Variants in DPY30 observed in about 807,000 individuals in gnomAD.
DPY30 encodes the protein protein dpy-30 homolog.
DPY30 carries 6 observed loss-of-function variants against 16.2 expected under a neutral mutation model. The observed-to-expected ratio is 0.37, with a 90% confidence interval of 0.20 to 0.73. DPY30 has a LOEUF of 0.73. DPY30 is among the 30% of genes least tolerant of loss of function. The pLI is 0.51. For synonymous variants in DPY30, 39 were observed against 38.8 expected (o/e 1.00, Z -0.02); for missense variants, 73 against 113.1 (o/e 0.65, Z 1.61).
chr2:32,014,361 C>T (rs1382699050), intron 5 of DPY30, among the ~76,000 whole-genome samples: 1 of 152,206 alleles, frequency 6.6e-6, no homozygotes, highest in Admixed American at 6.5e-5. Flanking sequence ...GTGGCACACA[C>T]CTATGGCCTC....
chr2:32,039,590 C>A (rs958949977), intron 1 of DPY30, 98 bp from the exon 2 acceptor site: 1 of 1,209,844 alleles, frequency 8.3e-7, no homozygotes, highest in East Asian at 2.5e-5. Flanking sequence ...CCCTCACCCC[C>A]ACCTGGGCGC....
At chr2:32,031,170 C>A (rs868490922) in intron 3 of DPY30, among the ~76,000 whole-genome samples, 2 of 151,990 alleles carry the variant, frequency 1.3e-5, no homozygotes, top group Non-Finnish European at 2.9e-5. Flanking sequence ...CTCCTGTAAA[C>A]CCAGCACTTT....
At chr2:32,033,746 C>A (rs992014269) in intron 3 of DPY30, among the ~76,000 whole-genome samples, 1 of 152,228 alleles carries the variant, frequency 6.6e-6, no homozygotes, top group Non-Finnish European at 1.5e-5. Flanking sequence ...ACCAAATCCT[C>A]CCATTTATTT....
rs1361989836 is a variant in DPY30 at position 32,035,606 on chromosome 2, A to T, written c.84+3673T>A. On this transcript the variant is annotated intron_variant, in intron 3 of 4. Coordinates refer to ENST00000342166, the MANE Select transcript of DPY30 (RefSeq NM_001321209.2). Reference sequence around the variant, plus strand: ...TTCATCTTATTAAAAAAAAAAAAACATTTATAATATATTCTATAAGTTCAC... The same window carrying T: ...TTCATCTTATTAAAAAAAAAAAAACTTTTATAATATATTCTATAAGTTCAC... 3.3e-5 allele frequency among the ~76,000 whole-genome samples: 5 copies of T among 150,616 alleles called. No homozygotes were observed. The East Asian group carries it at 9.8e-4, about 29-fold the overall frequency.
chr2:32,012,398 T>C (rs1232467582), intron 5 of DPY30, among the ~76,000 whole-genome samples: 2 of 143,640 alleles, frequency 1.4e-5, no homozygotes, highest in African/African-American at 2.5e-5. Context: ...ATACCATGTA[T>C]CCAAAACCTC....
intron 5 of DPY30, among the ~76,000 whole-genome samples, chr2:32,016,101 TA>T (rs1675060217): frequency 6.6e-6 from 1 of 152,100 alleles, no homozygotes; most frequent in Non-Finnish European, 1.5e-5. Context: ...GTTTTTACCA[TA>T]TTGGCCAGGC....
At chr2:32,030,157 T>C (rs1190957326) in intron 3 of DPY30, among the ~76,000 whole-genome samples, 1 of 151,582 alleles carries the variant, frequency 6.6e-6, no homozygotes, top group African/African-American at 2.4e-5. Flanking sequence ...AGCTTCAGGG[T>C]CCAAGGCTTA....
chr2:32,023,787 A>T (rs1319306732), downstream of DPY30: 2 of 1,306,364 alleles, frequency 1.5e-6, no homozygotes, highest in African/African-American at 3.0e-5. Flanking sequence ...TGACTGCTGT[A>T]TTTTCTCTCT....
At chr2:32,025,331 T>C (rs1039450654) in intron 4 of DPY30, among the ~76,000 whole-genome samples, 1 of 151,958 alleles carries the variant, frequency 6.6e-6, no homozygotes, top group Non-Finnish European at 1.5e-5. Context: ...GTCATGGCAG[T>C]GCGCACCTGT....
At chr2:32,017,082 C>G (rs1452693374) in intron 5 of DPY30, among the ~76,000 whole-genome samples, 3 of 151,934 alleles carry the variant, frequency 2.0e-5, no homozygotes, top group African/African-American at 4.8e-5. Flanking sequence ...AGGGTTTCAC[C>G]ATGTTGGCCA....
downstream of DPY30, among the ~76,000 whole-genome samples, chr2:32,020,278 T>C (rs189007307): frequency 5.9e-5 from 9 of 151,900 alleles, no homozygotes; most frequent in Non-Finnish European, 1.3e-4. Context: ...GACAGGTAGA[T>C]AGCTTGAGGC....
chr2:32,035,326 G>A lies in DPY30; in HGVS notation c.84+3953C>T, dbSNP rs145750363. 8.2e-3 allele frequency among the ~76,000 whole-genome samples: 1,249 copies of A among 151,992 alleles called. 17 individuals are homozygous for A. The highest frequency in any genetic ancestry group is 0.028 in the African/African-American group (1,161 of 41,472). On this transcript the variant is annotated intron_variant, in intron 3 of 4. Coordinates refer to ENST00000342166, the MANE Select transcript of DPY30 (RefSeq NM_001321209.2). ...AATAAATAAACAAAAACATTTCGCC[G>A]GGCACGGTGGCTCACACTTGTAATC...
At chr2:32,012,926 T>TAG (rs1273605905) in intron 5 of DPY30, 1 of 152,212 alleles carries the variant, frequency 6.6e-6, no homozygotes, top group Non-Finnish European at 1.5e-5. Context: ...CTGATTTTGT[T>TAG]TCTATGGAAA....
downstream of DPY30, among the ~76,000 whole-genome samples, chr2:32,021,833 T>A (rs1675189017): frequency 6.6e-6 from 1 of 152,136 alleles, no homozygotes; most frequent in Admixed American, 6.6e-5. Context: ...TTGTTTATAC[T>A]TATATTTGAA....
intron 5 of DPY30, among the ~76,000 whole-genome samples, chr2:32,018,066 A>T (rs1376196902): frequency 6.6e-6 from 1 of 152,180 alleles, no homozygotes; most frequent in Non-Finnish European, 1.5e-5. Flanking sequence ...CAGAATTGTG[A>T]GAAATAAATT....
chr2:32,022,209 CAAAAA>C (rs200317417), downstream of DPY30, among the ~76,000 whole-genome samples: 1 of 64,360 alleles, frequency 1.6e-5, no homozygotes, highest in Admixed American at 1.8e-4. Flanking sequence ...GACCTTGTCT[CAAAAA>C]AAAAAAAAAA....
At chr2:32,023,619 T>C (rs1675232139), downstream of DPY30, 1 of 759,660 alleles carries the variant, frequency 1.3e-6, no homozygotes. Flanking sequence ...TAGAAGATAT[T>C]GTATCCCCTT....
intron 3 of DPY30, among the ~76,000 whole-genome samples, chr2:32,031,643 C>T (rs1675545946): frequency 6.6e-6 from 1 of 150,668 alleles, no homozygotes; most frequent in Admixed American, 6.7e-5. Context: ...ACCTGTAATC[C>T]CAGCACTTTG....
rs577469087 is a variant in DPY30, at chr2:32,033,256, C to T, written c.85-3520G>A. Among the ~76,000 whole-genome samples, 28 of 151,598 alleles carry T rather than the reference C, an allele frequency of 1.8e-4. No individual in the cohort carries two copies. The East Asian group carries it at 2.1e-3, about 12-fold the overall frequency. On this transcript the variant is annotated intron_variant, in intron 3 of 4. Transcript: ENST00000342166. Reference sequence around the variant, plus strand: ...CTGGGAGATGGAGGTTGCAGTGAGCCGAGATCGCACCGTTGCACTCCAGCC... The same window carrying T: ...CTGGGAGATGGAGGTTGCAGTGAGCTGAGATCGCACCGTTGCACTCCAGCC...
Sources: gnomAD v4.1 joint callset for allele counts (sites outside exome capture counted in the v4.1 genomes callset) on GRCh38, gnomAD v4.1.1 for gene constraint, MANE v1.5 for transcripts, NCBI Gene and HGNC (gene_info 2026-07-23, HGNC 2026-07-21) for gene names.